AMBRA1: variants seen among roughly 807,000 people sequenced by gnomAD.
The protein encoded by AMBRA1 is autophagy and beclin 1 regulator 1, also known as activating molecule in BECN1-regulated autophagy protein 1.
AMBRA1 carries 47 observed loss-of-function variants against 125.4 expected under a neutral mutation model. That is an observed-to-expected ratio of 0.37 (90% CI 0.30 to 0.48). The LOEUF (loss-of-function observed/expected upper bound fraction) is 0.48, where lower values mean the gene tolerates loss of function less well. Ranked by LOEUF, AMBRA1 falls within the 20% of genes least tolerant of loss-of-function variation. The probability of loss-of-function intolerance (pLI) is 0.99; values close to 1 mark genes in which losing one functional copy is unlikely to be tolerated. For synonymous variants in AMBRA1, 626 were observed against 655.5 expected (o/e 0.95, Z 0.69); for missense variants, 1,331 against 1,693.4 (o/e 0.79, Z 3.76).
Position 46,593,983 on chromosome 11 carries a change from G to T in AMBRA1, c.-276C>A. ...GGGCCTCGCGGACAACTCAGCCCTC[G>T]ACCCGGCGCCGCCGCCGCTCAGGAG... On this transcript the variant is annotated 5_prime_UTR_variant, in exon 1 of 18. Coordinates refer to ENST00000683756, the MANE Select transcript of AMBRA1 (RefSeq NM_001387011.1). 5.0e-6 allele frequency: 2 copies of T among 398,598 alleles called. No homozygotes were observed. The highest frequency in any genetic ancestry group is 1.3e-4 in the South Asian group (1 of 7,824). 24.7% of individuals were successfully genotyped at this position (398,598 alleles called of 1,614,324 possible).
At chr11:46,553,239 G>C (rs912349398) in intron 1 of AMBRA1, among the ~76,000 whole-genome samples, 1 of 151,792 alleles carries the variant, frequency 6.6e-6, no homozygotes, top group African/African-American at 2.4e-5. Flanking sequence ...CACCACGCCC[G>C]GCCACCATTC....
chr11:46,454,864 TG>T (rs1948781783), intron 11 of AMBRA1, among the ~76,000 whole-genome samples: 1 of 151,002 alleles, frequency 6.6e-6, no homozygotes, highest in Admixed American at 6.6e-5. Flanking sequence ...ACAAGGAATC[TG>T]GTATTAGCTT....
intron 9 of AMBRA1, 93 bp downstream of exon 9, chr11:46,508,098 G>A (rs1220749879): frequency 7.5e-7 from 1 of 1,340,210 alleles, no homozygotes; most frequent in Non-Finnish European, 1.0e-6. Flanking sequence ...TTGGGAGCAA[G>A]AACATCCACC....
chr11:46,434,803 G>A (rs1339303257), intron 13 of AMBRA1, 46 bp downstream of exon 13: 1 of 1,528,724 alleles, frequency 6.5e-7, no homozygotes, highest in East Asian at 2.3e-5. Context: ...ACCATGCCAA[G>A]GCACCAGCGT....
At chr11:46,566,175 C>A (rs1187803769) in intron 1 of AMBRA1, among the ~76,000 whole-genome samples, 1 of 152,080 alleles carries the variant, frequency 6.6e-6, no homozygotes, top group African/African-American at 2.4e-5. Flanking sequence ...TCCCAGCACT[C>A]TGGGAGGCTG....
At chr11:46,482,926 T>C (rs1000481594) in intron 11 of AMBRA1, among the ~76,000 whole-genome samples, 6 of 151,670 alleles carry the variant, frequency 4.0e-5, no homozygotes, top group Non-Finnish European at 8.8e-5. Flanking sequence ...GGAGAATCAT[T>C]TGAACCTGGG....
intron 7 of AMBRA1, among the ~76,000 whole-genome samples, chr11:46,525,492 C>T (rs990849007): frequency 6.6e-6 from 1 of 151,930 alleles, no homozygotes; most frequent in African/African-American, 2.4e-5. Flanking sequence ...TGCCTGTAAT[C>T]CCAGTACTTC....
At chr11:46,453,634 T>G (rs1052274100) in intron 11 of AMBRA1, among the ~76,000 whole-genome samples, 6 of 152,194 alleles carry the variant, frequency 3.9e-5, no homozygotes, top group African/African-American at 1.4e-4. Context: ...GAGTGTATTA[T>G]CTATAGCTGA....
intron 14 of AMBRA1, chr11:46,428,912 C>T (rs1169349333): frequency 8.7e-6 from 14 of 1,611,940 alleles, no homozygotes; most frequent in Admixed American, 3.3e-5. Context: ...AAGGTAATCA[C>T]GGAGATACTG....
At chr11:46,461,031 T>C (rs1949070890) in intron 11 of AMBRA1, among the ~76,000 whole-genome samples, 1 of 152,194 alleles carries the variant, frequency 6.6e-6, no homozygotes, top group Admixed American at 6.5e-5. Context: ...CCCCTTGAGC[T>C]CAGGAGCTCG....
intron 7 of AMBRA1, among the ~76,000 whole-genome samples, chr11:46,541,302 C>A (rs1049680449): frequency 6.6e-6 from 1 of 152,116 alleles, no homozygotes; most frequent in Non-Finnish European, 1.5e-5. Context: ...TCTTCTCCAC[C>A]CCAAGGTGAA....
At chr11:46,543,903 A>G in intron 6 of AMBRA1, 72 bp downstream of exon 6, 1 of 1,216,196 alleles carries the variant, frequency 8.2e-7, no homozygotes, top group South Asian at 1.3e-5. Flanking sequence ...ATCCAATATA[A>G]TCAGAATTGG....
intron 11 of AMBRA1, among the ~76,000 whole-genome samples, chr11:46,464,627 AG>A (rs1949242651): frequency 6.6e-6 from 1 of 152,116 alleles, no homozygotes; most frequent in Admixed American, 6.6e-5. Flanking sequence ...TTGACATCTT[AG>A]GGGCTTTGCA....
chr11:46,543,862 G>A, intron 6 of AMBRA1, 113 bp downstream of exon 6: 1 of 883,600 alleles, frequency 1.1e-6, no homozygotes, highest in South Asian at 1.6e-5. Flanking sequence ...ATCTTGACTG[G>A]AAAGATAAGA....
chr11:46,542,969 G>A lies in AMBRA1; in HGVS notation c.1048C>T (p.His350Tyr). ...SFSFVQTEPF[H>Y]PPEQASSTQQ... ...GTTGACGAGGCCTGCTCCGGGGGAT[G>A]GAAGGGCTCGGTCTGTACAAAAGAA... Residue 350 changes from histidine (H) to tyrosine (Y), a missense_variant, in exon 7 of 18, where the codon CAT (histidine) becomes TAT (tyrosine). Physicochemically the swap from His to Tyr is moderately conservative, Grantham distance 83 (BLOSUM62 2). Coordinates refer to ENST00000683756, the MANE Select transcript of AMBRA1 (RefSeq NM_001387011.1). The surrounding 1 kb of genome is among the most constrained non-coding windows in gnomAD (Gnocchi z 5.9). 6.2e-7 allele frequency: 1 copy of A among 1,604,508 alleles called. No homozygotes were observed. The highest frequency in any genetic ancestry group is 8.5e-7 in the Non-Finnish European group (1 of 1,179,972).
In AMBRA1 at chr11:46,543,247, C is replaced by T; in HGVS notation, c.770G>A (p.Gly257Glu). Residue 257 changes from glycine to glutamate, a missense_variant, in exon 7 of 18, where the codon GGA (glycine) becomes GAA (glutamate). Gly to Glu is a moderately conservative substitution (Grantham distance 98). This residue lies in a region of AMBRA1 where 689 missense variants were observed against 776.5 expected (regional missense o/e 0.89). Coordinates refer to ENST00000683756, the MANE Select transcript of AMBRA1 (RefSeq NM_001387011.1). ...AGAATCTTGCACTGTGCTTTGCTCTCCCACCTGGATGCCAGAAGAGCGGGA... is the reference window on the plus strand; with the variant it reads ...AGAATCTTGCACTGTGCTTTGCTCTTCCACCTGGATGCCAGAAGAGCGGGA... ...LSSRSSGIQV[G>E]EQSTVQDSAT... The T allele has an allele frequency of 6.2e-7, 1 of 1,613,688 alleles. No individual in the cohort carries two copies. The highest frequency in any genetic ancestry group is 8.5e-7 in the Non-Finnish European group (1 of 1,179,960).
intron 7 of AMBRA1, among the ~76,000 whole-genome samples, chr11:46,533,078 G>A (rs965011966): frequency 2.0e-5 from 3 of 151,926 alleles, no homozygotes; most frequent in African/African-American, 7.3e-5. Flanking sequence ...CACGAGAATC[G>A]CTTGAGCCCC....
At chr11:46,569,658 T>C (rs1445907601) in intron 1 of AMBRA1, among the ~76,000 whole-genome samples, 1 of 151,902 alleles carries the variant, frequency 6.6e-6, no homozygotes, top group Non-Finnish European at 1.5e-5. Context: ...TCATGGATAT[T>C]TGTAATCCCG....
intron 12 of AMBRA1, among the ~76,000 whole-genome samples, chr11:46,435,826 C>A (rs1947688608): frequency 6.6e-6 from 1 of 152,192 alleles, no homozygotes; most frequent in African/African-American, 2.4e-5. Flanking sequence ...TGAGGAGCAT[C>A]CACTCCACAC....
Sources: allele counts gnomAD v4.1 joint callset (sites outside exome capture counted in the v4.1 genomes callset), GRCh38; gene constraint gnomAD v4.1.1; regional missense constraint gnomAD v4.1.1; non-coding constraint Gnocchi (gnomAD v3.1); transcripts MANE v1.5; gene names NCBI Gene and HGNC (gene_info 2026-07-23, HGNC 2026-07-21).